SESN3: variants seen among roughly 807,000 people sequenced by gnomAD.
The protein encoded by SESN3 is sestrin-3.
In SESN3, 21 loss-of-function variants were observed where a neutral mutation model predicts 55.3. That is an observed-to-expected ratio of 0.38 (90% confidence interval 0.27 to 0.55). The LOEUF (loss-of-function observed/expected upper bound fraction) is 0.55. Ranked by LOEUF, SESN3 falls within the 20% of genes least tolerant of loss-of-function variation. SESN3 has a pLI of 0.76. For missense variants in SESN3, 408 were observed against 604.3 expected (o/e 0.68, Z 3.41); for synonymous variants, 181 against 203.1 (o/e 0.89, Z 0.93).
rs375800133 is a variant in SESN3, at chr11:95,171,097, A to C, written c.*2158T>G. On this transcript the variant is annotated 3_prime_UTR_variant, in exon 10 of 10. Coordinates refer to ENST00000536441, the MANE Select transcript of SESN3 (RefSeq NM_144665.4). ...CTGTTATACAGTTCGCCTGCACAAAAATATAGGGCTATTAATTGAAAGCAT... is the reference window on the plus strand; with the variant it reads ...CTGTTATACAGTTCGCCTGCACAAACATATAGGGCTATTAATTGAAAGCAT... 1.2e-4 allele frequency: 18 copies of C among 152,322 alleles called. No homozygotes were observed. The highest frequency in any genetic ancestry group is 4.3e-4 in the African/African-American group (18 of 41,588). 9.4% of individuals were successfully genotyped at this position (152,322 alleles called of 1,614,324 possible). A position where few individuals can be genotyped will look rare whatever the true frequency, so the allele number is the denominator to read the frequency against.
Position 95,167,210 on chromosome 11 carries a change from TTCTC to T in SESN3, c.*6041_*6044del, listed in dbSNP as rs1482110038. On this transcript the variant is annotated 3_prime_UTR_variant, in exon 10 of 10. Transcript: ENST00000536441. Reference sequence around the variant, plus strand: ...ATTTTAACACTATAGGCCAGAGAGATTCTCTCTGATATTCTTTCGGTAGAAATTA... The same window carrying T: ...ATTTTAACACTATAGGCCAGAGAGATTCTGATATTCTTTCGGTAGAAATTA... The T allele has an allele frequency of 6.6e-6, 1 of 152,090 alleles. No homozygotes were observed. The highest frequency in any genetic ancestry group is 2.4e-5 in the African/African-American group (1 of 41,414). 9.4% of individuals were successfully genotyped at this position (152,090 alleles called of 1,614,324 possible). A position where few individuals can be genotyped will look rare whatever the true frequency, so the allele number is the denominator to read the frequency against.
intron 1 of SESN3, among the ~76,000 whole-genome samples, chr11:95,229,205 A>C (rs1364575649): frequency 2.0e-5 from 3 of 152,312 alleles, no homozygotes; most frequent in South Asian, 2.1e-4. Context: ...TTAAGAAATA[A>C]ATTTTTTTGA....
intron 1 of SESN3, among the ~76,000 whole-genome samples, chr11:95,210,301 A>T (rs982878488): frequency 6.6e-6 from 1 of 152,186 alleles, no homozygotes; most frequent in Non-Finnish European, 1.5e-5. Context: ...TGGCACATGT[A>T]TACCTATGTA....
At chr11:95,207,147 G>T (rs1860565571) in intron 1 of SESN3, among the ~76,000 whole-genome samples, 2 of 94,304 alleles carry the variant, frequency 2.1e-5, no homozygotes, top group South Asian at 6.8e-4. Flanking sequence ...GGCATTCTAA[G>T]TTTAAAACAC....
intron 2 of SESN3, among the ~76,000 whole-genome samples, chr11:95,193,076 G>A (rs910873165): frequency 6.6e-6 from 1 of 152,062 alleles, no homozygotes; most frequent in Admixed American, 6.6e-5. Flanking sequence ...GCATAAGCAG[G>A]ATAGCTTCTC....
At chr11:95,207,888 G>T (rs1860580399) in intron 1 of SESN3, among the ~76,000 whole-genome samples, 1 of 150,696 alleles carries the variant, frequency 6.6e-6, no homozygotes. Context: ...TGCCCAGGCT[G>T]GTCTCGAACT....
At chr11:95,216,199 C>T (rs1804371726) in intron 1 of SESN3, among the ~76,000 whole-genome samples, 1 of 151,732 alleles carries the variant, frequency 6.6e-6, no homozygotes, top group African/African-American at 2.4e-5. Context: ...TGCTCTACAC[C>T]TTCTGTCAAA....
intron 3 of SESN3, 147 bp downstream of exon 3, chr11:95,191,257 G>T (rs1860262987): frequency 1.5e-6 from 1 of 654,400 alleles, no homozygotes; most frequent in South Asian, 2.0e-5. Context: ...AAGACACTTG[G>T]TATCCAAAAG....
intron 1 of SESN3, among the ~76,000 whole-genome samples, chr11:95,229,907 G>T (rs1201650256): frequency 6.6e-6 from 1 of 152,112 alleles, no homozygotes; most frequent in Admixed American, 6.5e-5. Context: ...TTACTTTGGG[G>T]CAGCTGTTAA....
At chr11:95,199,787 T>G (rs985706105) in intron 1 of SESN3, among the ~76,000 whole-genome samples, 12 of 152,200 alleles carry the variant, frequency 7.9e-5, no homozygotes, top group Admixed American at 5.2e-4. Context: ...TAAATGTTGC[T>G]TATAATTTAT....
At chr11:95,184,301 G>A (rs1860120471) in intron 6 of SESN3, 119 bp downstream of exon 6, 1 of 788,220 alleles carries the variant, frequency 1.3e-6, no homozygotes, top group African/African-American at 1.7e-5. Flanking sequence ...TAGAAGAGGA[G>A]AACTAAATAA....
chr11:95,191,563 A>G lies in SESN3; in HGVS notation c.183T>C (p.Phe61=), dbSNP rs765896333. ...CGGATGTAGAGTATTCTTCCACAAG[A>G]AAGTTAGTACGTTCATCCACTGTGT... ...QANTVDERTN[F]LVEEYSTSGR... Residue 61 remains phenylalanine, a synonymous_variant, in exon 3 of 10, where the codon TTT becomes TTC. Coordinates refer to ENST00000536441, the MANE Select transcript of SESN3 (RefSeq NM_144665.4). 9 of 1,612,748 alleles carry G rather than the reference A, an allele frequency of 5.6e-6. No homozygotes were observed. The Admixed American group carries it at 1.0e-4, about 18-fold the overall frequency.
Position 95,193,490 on chromosome 11 carries a change from T to G in SESN3, c.111A>C (p.Thr37=). 1 of 1,596,718 alleles carries G rather than the reference T, an allele frequency of 6.3e-7. No individual in the cohort carries two copies. The highest frequency in any genetic ancestry group is 8.6e-7 in the Non-Finnish European group (1 of 1,165,252). ...DKRIRVSQPL[T]RGPSAFIPEK... is the part of the protein sequence containing the mutation. ...CTGGAATAAAGGCACTTGGTCCTCT[T>G]GTCAAGGGTTGAGACACTCTGATTC... The change falls in exon 2 of 10, where the codon ACA becomes ACC. Residue 37 remains threonine, a synonymous_variant. Coordinates refer to ENST00000536441, the MANE Select transcript of SESN3 (RefSeq NM_144665.4).
At chr11:95,217,105 CAAAAAAA>C (rs61672704) in intron 1 of SESN3, among the ~76,000 whole-genome samples, 3 of 106,634 alleles carry the variant, frequency 2.8e-5, no homozygotes, top group African/African-American at 1.1e-4. Flanking sequence ...GACTCTGTCT[CAAAAAAA>C]AAAAAAAAAG....
In SESN3 at chr11:95,194,353, C is replaced by T. The variant is rs141779874; in HGVS notation, c.79-831G>A. On this transcript the variant is annotated intron_variant, in intron 1 of 9. Coordinates refer to ENST00000536441, the MANE Select transcript of SESN3 (RefSeq NM_144665.4). ...AAACACAAAATAGTTATTTATATCT[C>T]TTAAATCCTTTACTTCATTAGGAAC... 1.1e-4 allele frequency among the ~76,000 whole-genome samples: 16 copies of T among 152,130 alleles called. No individual in the cohort carries two copies. The East Asian group carries it at 3.1e-3, about 29-fold the overall frequency.
intron 1 of SESN3, among the ~76,000 whole-genome samples, chr11:95,219,357 T>C (rs1040347721): frequency 1.3e-5 from 2 of 152,236 alleles, no homozygotes; most frequent in South Asian, 2.1e-4. Flanking sequence ...GCACATTTGC[T>C]GGACTGACTT....
chr11:95,186,766 T>G (rs1156868334), intron 4 of SESN3, among the ~76,000 whole-genome samples: 1 of 151,834 alleles, frequency 6.6e-6, no homozygotes, highest in African/African-American at 2.4e-5. Context: ...AAAAGTGATC[T>G]TAAGACAAAA....
chr11:95,193,112 G>A (rs1052219189), intron 2 of SESN3, among the ~76,000 whole-genome samples: 4 of 152,028 alleles, frequency 2.6e-5, no homozygotes, highest in East Asian at 3.9e-4. Context: ...CGTCCTCACC[G>A]AGATCAGCTA....
intron 2 of SESN3, among the ~76,000 whole-genome samples, chr11:95,192,107 T>C (rs896939214): frequency 1.3e-5 from 2 of 152,092 alleles, no homozygotes; most frequent in East Asian, 1.9e-4. Flanking sequence ...CAAAGGCATA[T>C]ATAATAAATT....
Sources: gnomAD v4.1 joint callset for allele counts (sites outside exome capture counted in the v4.1 genomes callset) on GRCh38, gnomAD v4.1.1 for gene constraint, MANE v1.5 for transcripts, NCBI Gene and HGNC (gene_info 2026-07-23, HGNC 2026-07-21) for gene names.